GGA1: variants seen among roughly 807,000 people sequenced by gnomAD.
The protein encoded by GGA1 is ADP-ribosylation factor-binding protein GGA1.
Under a neutral mutation model 76.9 loss-of-function variants are expected in GGA1, and 18 were observed. The observed-to-expected ratio is 0.23, with a 90% CI of 0.16 to 0.35. The LOEUF (loss-of-function observed/expected upper bound fraction) is 0.35. Among genes scored for constraint, GGA1 ranks in the 10% least tolerant of loss-of-function variants. The probability of loss-of-function intolerance (pLI) is 1.00; values close to 1 mark genes in which losing one functional copy is unlikely to be tolerated. For missense variants in GGA1, 755 were observed against 859.0 expected, an observed-to-expected ratio of 0.88 and a Z score of 1.51; for synonymous variants, 342 against 354.7, an observed-to-expected ratio of 0.96 and a Z score of 0.40.
chr22:37,609,384 CG>C, intron 1 of GGA1: 5 of 1,045,622 alleles, frequency 4.8e-6, no homozygotes, highest in Non-Finnish European at 4.7e-6. Context: ...CTCATTACCC[CG>C]TCCTGGAAGG....
At chr22:37,609,728 C>A (rs1927148297) in intron 1 of GGA1, among the ~76,000 whole-genome samples, 1 of 152,196 alleles carries the variant, frequency 6.6e-6, no homozygotes. Flanking sequence ...CAGCCCCGCT[C>A]CTGGACTCTG....
intron 6 of GGA1, 135 bp downstream of exon 6, chr22:37,621,048 G>A (rs536235270): frequency 1.8e-5 from 12 of 672,556 alleles, no homozygotes; most frequent in Non-Finnish European, 2.7e-5. Flanking sequence ...TAGATGATGG[G>A]CGCTGTTTAC....
chr22:37,611,656 GGTCAGTCCCCA>G (rs1371619878), intron 1 of GGA1, among the ~76,000 whole-genome samples: 1 of 152,132 alleles, frequency 6.6e-6, no homozygotes, highest in African/African-American at 2.4e-5. Flanking sequence ...CCACATGCTG[GGTCAGTCCCCA>G]GCCTCCTGTC....
Position 37,632,640 on chromosome 22 carries a change from G to A in GGA1, c.1849G>A (p.Gly617Ser). The A allele has an allele frequency of 1.2e-6, 2 of 1,613,654 alleles. No individual in the cohort carries two copies. The highest frequency in any genetic ancestry group is 2.2e-5 in the East Asian group (1 of 44,864). ...CCGCTACAAGCTCACCTTCACCATG[G>A]GTGACCAGACCTACAACGAGATGGG... ...RLRYKLTFTM[G>S]DQTYNEMGDV... Residue 617 changes from glycine (G) to serine (S), a missense_variant, in exon 17 of 17, where the codon GGT becomes AGT. Coordinates refer to ENST00000343632, the MANE Select transcript of GGA1 (RefSeq NM_013365.5). The surrounding 1 kb of genome is among the most constrained non-coding windows in gnomAD (Gnocchi z 5.1).
chr22:37,622,825 C>A (rs1462237447), intron 7 of GGA1, among the ~76,000 whole-genome samples: 3 of 152,212 alleles, frequency 2.0e-5, no homozygotes, highest in Non-Finnish European at 2.9e-5. Context: ...AGGGGAAAGC[C>A]GGGCTGCTCC....
chr22:37,628,117 T>C (rs1162062221), intron 11 of GGA1, among the ~76,000 whole-genome samples: 1 of 152,192 alleles, frequency 6.6e-6, no homozygotes, highest in Non-Finnish European at 1.5e-5. Flanking sequence ...CATGAGCCAC[T>C]GCGCCCACCT....
chr22:37,632,776 T>G lies in GGA1; in HGVS notation c.*65T>G. 4 of 996,622 alleles carry G rather than the reference T, an allele frequency of 4.0e-6. No individual in the cohort carries two copies. The highest frequency in any genetic ancestry group is 6.2e-6 in the Non-Finnish European group (4 of 641,678). 61.7% of individuals were successfully genotyped at this position (996,622 alleles called of 1,614,324 possible). On this transcript the variant is annotated 3_prime_UTR_variant, in exon 17 of 17. Transcript: ENST00000343632. This position sits in a 1 kb window ranked among gnomAD's most constrained non-coding sequence, Gnocchi z 5.1. ...TCACTGTCCAGCCTGGAGGGAGGCATTGGTGGCCAAGGACACCCTTTGTTG... is the reference window on the plus strand; with the variant it reads ...TCACTGTCCAGCCTGGAGGGAGGCAGTGGTGGCCAAGGACACCCTTTGTTG...
intron 1 of GGA1, chr22:37,613,235 G>A (rs936649757): frequency 1.0e-5 from 9 of 877,748 alleles, no homozygotes; most frequent in African/African-American, 7.3e-5. Flanking sequence ...TCTCTGCCTC[G>A]TGTGGTTACC....
rs996016171 is a variant in GGA1 at position 37,633,284 on chromosome 22, G to A, written c.*573G>A. 6.5e-6 allele frequency: 1 copy of A among 152,742 alleles called. No individual in the cohort carries two copies. Among genetic ancestry groups the A allele is most frequent in the African/African-American group, 2.4e-5 (1 of 41,420 alleles). The allele number at this position is 152,742 out of a possible 1,614,324, so 9.5% of individuals were successfully genotyped here. A position where few individuals can be genotyped will look rare whatever the true frequency, so the allele number is the denominator to read the frequency against. On this transcript the variant is annotated 3_prime_UTR_variant, in exon 17 of 17. Transcript: ENST00000343632. ...GGTCACAGCCTCAGGGGGCCAGGCT[G>A]GGGGAACCTCACCTGGCCCGTACTC...
Position 37,632,106 on chromosome 22 carries a change from A to G in GGA1, c.1639A>G (p.Met547Val), listed in dbSNP as rs756020591. 1.2e-6 allele frequency: 2 copies of G among 1,613,616 alleles called. No homozygotes were observed. The highest frequency in any genetic ancestry group is 2.7e-5 in the African/African-American group (2 of 74,910). Reference sequence around the variant, plus strand: ...CGACGTGCTGGTGGTGGTGGTTTCCATGCTGAGCACCGCCCCCCAGCCCAT... The same window carrying G: ...CGACGTGCTGGTGGTGGTGGTTTCCGTGCTGAGCACCGCCCCCCAGCCCAT... Reference protein sequence around the residue: ...RSDVLVVVVSMLSTAPQPIRN... With the variant: ...RSDVLVVVVSVLSTAPQPIRN... Residue 547 changes from methionine to valine, a missense_variant, in exon 15 of 17, where the codon ATG becomes GTG. Physicochemically the swap from Met to Val is conservative, Grantham distance 21. Coordinates refer to ENST00000343632, the MANE Select transcript of GGA1 (RefSeq NM_013365.5). The surrounding 1 kb of genome is among the most constrained non-coding windows in gnomAD (Gnocchi z 5.1).
Position 37,611,516 on chromosome 22 carries a change from G to T in GGA1, c.43+2613G>T, listed in dbSNP as rs564913556. ...TGGGCAGTGAACTTGAGGAGGGCAG[G>T]GATTTTGTCTGTTCACTGCTGGAGC... On this transcript the variant is annotated intron_variant, in intron 1 of 16. Transcript: ENST00000343632. Among the ~76,000 whole-genome samples, 8 of 152,314 alleles carry T rather than the reference G, an allele frequency of 5.3e-5. No homozygotes were observed. The South Asian group carries it at 1.7e-3, about 32-fold the overall frequency.
rs1182464321 is a variant in GGA1 at position 37,619,003 on chromosome 22, C to T, written c.303+457C>T. Among the ~76,000 whole-genome samples, 27 of 152,214 alleles carry T rather than the reference C, an allele frequency of 1.8e-4. 1 individual carries two copies. The highest frequency in any genetic ancestry group is 1.8e-3 in the Admixed American group (27 of 15,276). On this transcript the variant is annotated intron_variant, in intron 4 of 16. Coordinates refer to ENST00000343632, the MANE Select transcript of GGA1 (RefSeq NM_013365.5). ...CCACAGACCTGAGTGATGGAGCCTG[C>T]TGGCTCCAGACGGGCCATCCCCGGC... is the stretch of plus-strand genomic sequence containing the variant.
chr22:37,612,276 A>G (rs1318661055), intron 1 of GGA1, among the ~76,000 whole-genome samples: 2 of 151,550 alleles, frequency 1.3e-5, no homozygotes, highest in Non-Finnish European at 2.9e-5. Flanking sequence ...CATCCTGGCT[A>G]ACACAGTGAA....
Position 37,632,783 on chromosome 22 carries a change from C to T in GGA1, c.*72C>T, listed in dbSNP as rs11913935. The T allele has an allele frequency of 9.6e-4, 852 of 890,716 alleles. 8 individuals are homozygous for T. In the African/African-American group the frequency reaches 0.013, roughly 13 times the overall value. The allele number at this position is 890,716 out of a possible 1,614,324, so 55.2% of individuals were successfully genotyped here. On this transcript the variant is annotated 3_prime_UTR_variant, in exon 17 of 17. Coordinates refer to ENST00000343632, the MANE Select transcript of GGA1 (RefSeq NM_013365.5). The surrounding 1 kb of genome is among the most constrained non-coding windows in gnomAD (Gnocchi z 5.1). Reference sequence around the variant, plus strand: ...CCAGCCTGGAGGGAGGCATTGGTGGCCAAGGACACCCTTTGTTGCCCATGG... The same window carrying T: ...CCAGCCTGGAGGGAGGCATTGGTGGTCAAGGACACCCTTTGTTGCCCATGG...
chr22:37,620,786 A>G (rs1929734967), intron 5 of GGA1, 27 bp from the exon 6 acceptor site: 1 of 1,394,888 alleles, frequency 7.2e-7, no homozygotes, highest in Non-Finnish European at 1.0e-6. Flanking sequence ...ACATATTGAC[A>G]GCCTTTCTGA....
chr22:37,631,759 C>T (rs1418839266), intron 14 of GGA1, among the ~76,000 whole-genome samples: 2 of 152,214 alleles, frequency 1.3e-5, no homozygotes, highest in Non-Finnish European at 2.9e-5. Flanking sequence ...TGTGACTCGG[C>T]TCTGGGGTGG....
At position 37,625,064 on chromosome 22, in the gene GGA1, G is replaced by T; in HGVS notation, c.928G>T (p.Gly310Cys). 1 of 1,594,734 alleles carries T rather than the reference G, an allele frequency of 6.3e-7. No homozygotes were observed. Among genetic ancestry groups the T allele is most frequent in the Non-Finnish European group, 8.5e-7 (1 of 1,171,210 alleles). ...GGAGGTCAACGGTGATGCCACAGCC[G>T]GCTCCATCCCTGGTGAGGAGGTGGC... is the stretch of plus-strand genomic sequence containing the variant. ...GEEVNGDATA[G>C]SIPGSTSALL... Residue 310 changes from glycine to cysteine, a missense_variant, in exon 10 of 17, where the codon GGC becomes TGC. Coordinates refer to ENST00000343632, the MANE Select transcript of GGA1 (RefSeq NM_013365.5). This position sits in a 1 kb window ranked among gnomAD's most constrained non-coding sequence, Gnocchi z 4.1.
At position 37,623,430 on chromosome 22, in the gene GGA1, G is replaced by A. The variant is rs1446758786; in HGVS notation, c.713G>A (p.Gly238Asp). The change falls in exon 8 of 17, where the codon GGC (glycine) becomes GAC (aspartate). Residue 238 changes from glycine (G) to aspartate (D), a missense_variant. By Grantham distance (94) the Gly-to-Asp change is moderately conservative (BLOSUM62 -1). Transcript: ENST00000343632. This position sits in a 1 kb window ranked among gnomAD's most constrained non-coding sequence, Gnocchi z 4.6. ...LTEMVMSHSQ[G>D]GAAAGSSEDL... ...GAGATGGTGATGAGCCACAGCCAGG[G>A]CGGCGCAGCAGCTGGCAGCAGCGAG... 1 of 1,613,980 alleles carries A rather than the reference G, an allele frequency of 6.2e-7. No homozygotes were observed. The highest frequency in any genetic ancestry group is 8.5e-7 in the Non-Finnish European group (1 of 1,179,994).
At chr22:37,628,839 G>A (rs1449051891) in intron 11 of GGA1, among the ~76,000 whole-genome samples, 1 of 152,238 alleles carries the variant, frequency 6.6e-6, no homozygotes, top group African/African-American at 2.4e-5. Flanking sequence ...GCAGGCAGAG[G>A]TCAGGCTGGC....
Sources: allele counts gnomAD v4.1 joint callset (sites outside exome capture counted in the v4.1 genomes callset), GRCh38; gene constraint gnomAD v4.1.1; non-coding constraint Gnocchi (gnomAD v3.1); transcripts MANE v1.5; gene names NCBI Gene and HGNC (gene_info 2026-07-23, HGNC 2026-07-21).